Variants in FUT9 observed in about 807,000 individuals in gnomAD.
FUT9 encodes fucosyltransferase 9.
A neutral mutation model predicts 29.7 loss-of-function variants in FUT9; 15 were observed. The ratio of observed to expected loss-of-function variants is 0.51; its 90% CI spans 0.34 to 0.78. The LOEUF is 0.78. Ranked by LOEUF, FUT9 falls within the 30% of genes least tolerant of loss-of-function variation. The pLI is 0.01. For missense variants in FUT9, 319 were observed against 425.4 expected, an observed-to-expected ratio of 0.75 and a Z score of 2.20; for synonymous variants, 169 against 153.7, an observed-to-expected ratio of 1.10 and a Z score of -0.74.
rs1387000768 is a variant in FUT9 at position 96,059,650 on chromosome 6, C to T, written c.-98+43438C>T. ...CATTACATCATTCCTCACTCTGAGG[C>T]TCATTTCTAACTGGTGTTACCTTGG... On this transcript the variant is annotated intron_variant, in intron 1 of 2. Coordinates refer to ENST00000302103, the MANE Select transcript of FUT9 (RefSeq NM_006581.4). Among the ~76,000 whole-genome samples, 4 of 152,158 alleles carry T rather than the reference C, an allele frequency of 2.6e-5. No homozygotes were observed. In the East Asian group the frequency reaches 7.7e-4, roughly 29 times the overall value.
chr6:96,066,218 T>C (rs767157028), intron 1 of FUT9, among the ~76,000 whole-genome samples: 2 of 152,118 alleles, frequency 1.3e-5, no homozygotes, highest in African/African-American at 2.4e-5. Context: ...CTTTTTTCTT[T>C]CTATTTAGAA....
At chr6:96,126,420 G>A (rs1772134838) in intron 2 of FUT9, among the ~76,000 whole-genome samples, 2 of 152,128 alleles carry the variant, frequency 1.3e-5, no homozygotes, top group South Asian at 4.1e-4. Flanking sequence ...CAGTTCATGA[G>A]AGATCTGCCC....
At chr6:96,075,433 A>T (rs1771127324) in intron 1 of FUT9, among the ~76,000 whole-genome samples, 1 of 152,118 alleles carries the variant, frequency 6.6e-6, no homozygotes, top group African/African-American at 2.4e-5. Flanking sequence ...AAATGATGGA[A>T]ATTTTGTGCT....
chr6:96,046,662 C>A (rs1256719621), intron 1 of FUT9, among the ~76,000 whole-genome samples: 2 of 152,146 alleles, frequency 1.3e-5, no homozygotes, highest in Non-Finnish European at 2.9e-5. Context: ...AACATACAAG[C>A]TTTGTAAGAG....
chr6:96,169,678 C>T (rs986334103), intron 2 of FUT9, among the ~76,000 whole-genome samples: 1 of 152,098 alleles, frequency 6.6e-6, no homozygotes, highest in East Asian at 1.9e-4. Flanking sequence ...TTCTAAAGTA[C>T]TTCGGCAGTA....
intron 1 of FUT9, among the ~76,000 whole-genome samples, chr6:96,052,230 C>G (rs570290662): frequency 6.6e-6 from 1 of 152,190 alleles, no homozygotes; most frequent in East Asian, 1.9e-4. Flanking sequence ...GGTAACTGCC[C>G]CCAAGACTCA....
intron 2 of FUT9, among the ~76,000 whole-genome samples, chr6:96,122,536 T>C (rs1417116135): frequency 6.6e-5 from 10 of 152,210 alleles, no homozygotes; most frequent in Non-Finnish European, 1.0e-4. Flanking sequence ...TTTTACATGG[T>C]ATAGTTATAA....
At chr6:96,072,353 A>C (rs1182117342) in intron 1 of FUT9, among the ~76,000 whole-genome samples, 1 of 152,226 alleles carries the variant, frequency 6.6e-6, no homozygotes, top group African/African-American at 2.4e-5. Context: ...TGTGCATTAA[A>C]AACACTAATG....
chr6:96,082,027 T>C (rs906427283), intron 1 of FUT9, among the ~76,000 whole-genome samples: 3 of 151,914 alleles, frequency 2.0e-5, no homozygotes, highest in Non-Finnish European at 3.0e-5. Context: ...TTTGTAATTA[T>C]TGATCTGGAG....
At chr6:96,037,996 T>TAC (rs144567388) in intron 1 of FUT9, among the ~76,000 whole-genome samples, 37,635 of 151,936 alleles carry the variant, frequency 0.25, 4,691 homozygotes, top group African/African-American at 0.26. Flanking sequence ...ACCTGAAACA[T>TAC]ACACCTAATC....
intron 2 of FUT9, among the ~76,000 whole-genome samples, chr6:96,139,460 G>T (rs1235003827): frequency 3.3e-5 from 5 of 152,160 alleles, no homozygotes; most frequent in Non-Finnish European, 5.9e-5. Context: ...TCTGCAGTCT[G>T]GAGGACGGTG....
At chr6:96,184,065 T>C (rs1311260716) in intron 2 of FUT9, among the ~76,000 whole-genome samples, 1 of 152,096 alleles carries the variant, frequency 6.6e-6, no homozygotes, top group Non-Finnish European at 1.5e-5. Flanking sequence ...TGTGACTCCA[T>C]CTGGTCCTGG....
At chr6:96,077,372 G>C (rs1771156671) in intron 1 of FUT9, among the ~76,000 whole-genome samples, 1 of 152,124 alleles carries the variant, frequency 6.6e-6, no homozygotes, top group South Asian at 2.1e-4. Flanking sequence ...ACAACTTCAT[G>C]TTGTTCTTGG....
chr6:96,134,022 G>A (rs1016893799), intron 2 of FUT9, among the ~76,000 whole-genome samples: 15 of 151,502 alleles, frequency 9.9e-5, no homozygotes, highest in African/African-American at 2.4e-5. Context: ...AAGTATAGAA[G>A]CCCACAAAAT....
chr6:96,100,826 G>T (rs140094791), intron 1 of FUT9, among the ~76,000 whole-genome samples: 2 of 152,142 alleles, frequency 1.3e-5, no homozygotes, highest in Non-Finnish European at 2.9e-5. Flanking sequence ...ACAACACACC[G>T]TTGTAAAATC....
intron 1 of FUT9, among the ~76,000 whole-genome samples, chr6:96,058,533 C>T (rs557477465): frequency 6.8e-6 from 1 of 147,014 alleles, no homozygotes; most frequent in Non-Finnish European, 1.5e-5. Flanking sequence ...TTTGGAAATC[C>T]CTTTGAAGAC....
intron 1 of FUT9, among the ~76,000 whole-genome samples, chr6:96,102,848 A>G (rs1384447542): frequency 6.6e-6 from 1 of 152,188 alleles, no homozygotes; most frequent in Non-Finnish European, 1.5e-5. Flanking sequence ...CAGAGAGAAT[A>G]GTTTAAACTT....
At chr6:96,195,524 T>G (rs1237063488) in intron 2 of FUT9, among the ~76,000 whole-genome samples, 1 of 152,194 alleles carries the variant, frequency 6.6e-6, no homozygotes, top group Non-Finnish European at 1.5e-5. Flanking sequence ...TGGCTCAGAA[T>G]TTAATGGAGA....
chr6:96,068,248 G>A (rs1359100610), intron 1 of FUT9, among the ~76,000 whole-genome samples: 1 of 151,968 alleles, frequency 6.6e-6, no homozygotes, highest in Non-Finnish European at 1.5e-5. Flanking sequence ...TTGCCCAAGA[G>A]GAAAGTATAA....
Sources: allele counts gnomAD v4.1 joint callset (sites outside exome capture counted in the v4.1 genomes callset), GRCh38; gene constraint gnomAD v4.1.1; transcripts MANE v1.5; gene names NCBI Gene and HGNC (gene_info 2026-07-23, HGNC 2026-07-21).